Variants in FAXC observed in about 807,000 individuals in gnomAD.
FAXC encodes the protein failed axon connections homolog, metaxin like GST domain containing.
FAXC carries 10 observed loss-of-function variants against 41.9 expected under a neutral mutation model. The observed-to-expected ratio is 0.24, with a 90% CI of 0.15 to 0.41. The LOEUF (loss-of-function observed/expected upper bound fraction) is 0.41. Among genes scored for constraint, FAXC ranks in the 10% least tolerant of loss-of-function variants. FAXC has a pLI of 1.00. For missense variants in FAXC, 399 were observed against 510.9 expected, an observed-to-expected ratio of 0.78 and a Z score of 2.11; for synonymous variants, 183 against 183.8, an observed-to-expected ratio of 1.00 and a Z score of 0.03.
At chr6:99,310,459 A>AT (rs1179109614) in intron 4 of FAXC, among the ~76,000 whole-genome samples, 1 of 152,128 alleles carries the variant, frequency 6.6e-6, no homozygotes, top group African/African-American at 2.4e-5. Context: ...TGGTGCCCGC[A>AT]TAGCTGTGTT....
chr6:99,341,999 T>C (rs984422662), intron 2 of FAXC, among the ~76,000 whole-genome samples: 29 of 152,324 alleles, frequency 1.9e-4, no homozygotes, highest in African/African-American at 6.7e-4. Context: ...TAGAATTGAA[T>C]GACTATGAAA....
intron 2 of FAXC, among the ~76,000 whole-genome samples, chr6:99,340,782 C>T (rs1773400364): frequency 6.6e-6 from 1 of 150,950 alleles, no homozygotes; most frequent in Non-Finnish European, 1.5e-5. Flanking sequence ...ACTTCTCCTG[C>T]CTCAGCCTCC....
chr6:99,301,727 CA>C (rs2128453294), intron 4 of FAXC, among the ~76,000 whole-genome samples: 1 of 152,268 alleles, frequency 6.6e-6, no homozygotes, highest in South Asian at 2.1e-4. Context: ...TCTACTTCTA[CA>C]AGATGTAAAA....
chr6:99,292,941 G>A (rs1038628814), intron 4 of FAXC, among the ~76,000 whole-genome samples: 37 of 152,058 alleles, frequency 2.4e-4, no homozygotes, highest in African/African-American at 8.9e-4. Flanking sequence ...CAAGTAGCTG[G>A]GATCACAGGC....
intron 3 of FAXC, among the ~76,000 whole-genome samples, chr6:99,325,660 A>G (rs545698973): frequency 6.6e-6 from 1 of 152,364 alleles, no homozygotes; most frequent in Non-Finnish European, 1.5e-5. Flanking sequence ...GCAGTAATTA[A>G]GATGACAATT....
rs1351593993 is a variant in FAXC at position 99,272,375 on chromosome 6, A to G, written c.*8789T>C. The stretch of plus-strand genomic sequence containing the variant: ...TTTTTAGTAGAGACAGGGTTTCTCC[A>G]TGTTGGTCAGGCTGGTCTCAAACTC... On this transcript the variant is annotated 3_prime_UTR_variant, in exon 6 of 6. Coordinates refer to ENST00000389677, the MANE Select transcript of FAXC (RefSeq NM_032511.4). 6.6e-6 allele frequency: 1 copy of G among 152,146 alleles called. No individual in the cohort carries two copies. Among genetic ancestry groups the G allele is most frequent in the Non-Finnish European group, 1.5e-5 (1 of 68,066 alleles). The allele number at this position is 152,146 out of a possible 1,614,324, so 9.4% of individuals were successfully genotyped here.
chr6:99,336,133 C>A (rs1241043432), intron 2 of FAXC, among the ~76,000 whole-genome samples: 1 of 152,060 alleles, frequency 6.6e-6, no homozygotes, highest in African/African-American at 2.4e-5. Flanking sequence ...CCAGGCTGGT[C>A]TCAAACTCCT....
intron 2 of FAXC, among the ~76,000 whole-genome samples, chr6:99,334,067 T>C (rs1293823047): frequency 6.6e-6 from 1 of 152,190 alleles, no homozygotes; most frequent in African/African-American, 2.4e-5. Context: ...TGTAGCAAAG[T>C]ATGTACAACA....
At chr6:99,313,666 CTTTATGGT>C (rs1772231097) in intron 4 of FAXC, among the ~76,000 whole-genome samples, 1 of 152,124 alleles carries the variant, frequency 6.6e-6, no homozygotes, top group African/African-American at 2.4e-5. Context: ...ATTCTGGCAC[CTTTATGGT>C]TTTATGTTTA....
chr6:99,281,224 G>A lies in FAXC; in HGVS notation c.1170C>T (p.His390=), dbSNP rs1770819867. 2 of 1,604,204 alleles carry A rather than the reference G, an allele frequency of 1.2e-6. No homozygotes were observed. Among genetic ancestry groups the A allele is most frequent in the Middle Eastern group, 1.7e-4 (1 of 6,040 alleles). Residue 390 remains histidine, a synonymous_variant, in exon 6 of 6, where the codon CAC becomes CAT. Coordinates refer to ENST00000389677, the MANE Select transcript of FAXC (RefSeq NM_032511.4). ...SRTPDTDFTG[H]SLFDSDVDMD... ...TGTCCACATCCGAATCAAAGAGTGA[G>A]TGTCCAGTAAAATCTGTGTCTGGGG...
chr6:99,285,603 T>C (rs1771002924), intron 5 of FAXC, among the ~76,000 whole-genome samples: 1 of 152,176 alleles, frequency 6.6e-6, no homozygotes, highest in Non-Finnish European at 1.5e-5. Context: ...GCCATAAACT[T>C]TTTAAACTAT....
chr6:99,293,233 G>A (rs1311628302), intron 4 of FAXC, among the ~76,000 whole-genome samples: 1 of 152,210 alleles, frequency 6.6e-6, no homozygotes, highest in Non-Finnish European at 1.5e-5. Context: ...TCCAACCCAT[G>A]TTCCAGCTGT....
rs1232580225 is a variant in FAXC at position 99,281,394 on chromosome 6, A to T, written c.1000T>A (p.Trp334Arg). Residue 334 changes from tryptophan to arginine, a missense_variant, in exon 6 of 6, where the codon TGG becomes AGG. By Grantham distance (101) the Trp-to-Arg change is moderately radical (BLOSUM62 -3). Transcript: ENST00000389677. ...ERIRRKFWPEWHHDDDNTIYE... is the reference protein window; with the variant it reads ...ERIRRKFWPERHHDDDNTIYE... ...ATGGTATTGTCATCATCGTGGTGCC[A>T]CTCTGGCCAAAATTTCCTCCTTATC... The T allele has an allele frequency of 3.1e-6, 5 of 1,613,990 alleles. No homozygotes were observed. Among genetic ancestry groups the T allele is most frequent in the African/African-American group, 1.3e-5 (1 of 74,888 alleles).
At chr6:99,317,165 G>A (rs1772390566) in intron 4 of FAXC, among the ~76,000 whole-genome samples, 1 of 106,818 alleles carries the variant, frequency 9.4e-6, no homozygotes. Flanking sequence ...AGTGAAGTTT[G>A]CTGGAAATCA....
At chr6:99,349,883 C>A (rs1475875235), upstream of FAXC, 2 of 152,102 alleles carry the variant, frequency 1.3e-5, no homozygotes, top group Non-Finnish European at 2.9e-5. Context: ...GCGGAGGTGC[C>A]TGGAAATGCG....
chr6:99,282,292 T>G (rs1196352344), intron 5 of FAXC, among the ~76,000 whole-genome samples: 1 of 152,156 alleles, frequency 6.6e-6, no homozygotes, highest in African/African-American at 2.4e-5. Flanking sequence ...CTCCACAAAT[T>G]TTCGCAGTGT....
intron 2 of FAXC, among the ~76,000 whole-genome samples, chr6:99,339,202 T>C (rs568452223): frequency 1.3e-5 from 2 of 152,340 alleles, no homozygotes; most frequent in South Asian, 2.1e-4. Context: ...AACCTCCCAG[T>C]TGGTCTGTTA....
chr6:99,334,217 T>C (rs1324495975), intron 2 of FAXC, among the ~76,000 whole-genome samples: 4 of 152,214 alleles, frequency 2.6e-5, no homozygotes, highest in African/African-American at 9.6e-5. Context: ...GGATTTGGAC[T>C]GATCTCTGCC....
At chr6:99,323,265 T>C (rs1772656688) in intron 4 of FAXC, among the ~76,000 whole-genome samples, 179 bp downstream of exon 4, 1 of 152,192 alleles carries the variant, frequency 6.6e-6, no homozygotes, top group African/African-American at 2.4e-5. Context: ...AGTGATTAAG[T>C]AGAAAGACAC....
Sources: gnomAD v4.1 joint callset for allele counts (sites outside exome capture counted in the v4.1 genomes callset) on GRCh38, gnomAD v4.1.1 for gene constraint, MANE v1.5 for transcripts, NCBI Gene and HGNC (gene_info 2026-07-23, HGNC 2026-07-21) for gene names.